Variants in ARHGAP32 observed in about 807,000 individuals in gnomAD.
ARHGAP32 encodes the protein rho GTPase-activating protein 32.
In ARHGAP32, 51 loss-of-function variants were observed where a neutral mutation model predicts 186.5. The observed-to-expected ratio is 0.27, with a 90% CI of 0.22 to 0.35. The LOEUF is 0.35. Ranked by LOEUF, ARHGAP32 falls within the 10% of genes least tolerant of loss-of-function variation. The pLI, the probability that ARHGAP32 is intolerant of heterozygous loss-of-function variation, is 1.00. For missense variants in ARHGAP32, 2,186 were observed against 2,623.5 expected, an observed-to-expected ratio of 0.83 and a Z score of 3.64; for synonymous variants, 950 against 964.3, an observed-to-expected ratio of 0.99 and a Z score of 0.27.
intron 6 of ARHGAP32, among the ~76,000 whole-genome samples, chr11:129,086,777 C>T (rs1196821677): frequency 8.1e-5 from 12 of 147,532 alleles, no homozygotes; most frequent in African/African-American, 2.0e-4. Context: ...GCCGAGATTG[C>T]GCCACTGCAC....
chr11:129,250,904 C>A (rs916951496), intron 1 of ARHGAP32, among the ~76,000 whole-genome samples: 14 of 152,158 alleles, frequency 9.2e-5, no homozygotes, highest in African/African-American at 3.4e-4. Context: ...TCACACCATT[C>A]AGCACACCCA....
At chr11:129,158,171 C>A (rs768476431) in intron 2 of ARHGAP32, among the ~76,000 whole-genome samples, 1 of 151,982 alleles carries the variant, frequency 6.6e-6, no homozygotes, top group African/African-American at 2.4e-5. Flanking sequence ...CATCAACTAA[C>A]GGGCAAAATA....
intron 1 of ARHGAP32, among the ~76,000 whole-genome samples, chr11:129,181,854 C>T (rs1318153946): frequency 6.6e-6 from 1 of 152,050 alleles, no homozygotes; most frequent in Non-Finnish European, 1.5e-5. Context: ...TCCAATCTGC[C>T]CAATTCCAAC....
At chr11:129,184,918 C>T (rs908706501) in intron 1 of ARHGAP32, among the ~76,000 whole-genome samples, 1 of 152,216 alleles carries the variant, frequency 6.6e-6, no homozygotes, top group South Asian at 2.1e-4. Context: ...CAGGCAAATA[C>T]AAATGATCCA....
intron 11 of ARHGAP32, among the ~76,000 whole-genome samples, chr11:129,016,257 A>G (rs1354791784): frequency 6.6e-6 from 1 of 151,272 alleles, no homozygotes; most frequent in African/African-American, 2.5e-5. Context: ...AATTCTTCAC[A>G]TAATACAGAA....
intron 2 of ARHGAP32, among the ~76,000 whole-genome samples, chr11:129,162,515 T>C (rs1278203605): frequency 6.6e-6 from 1 of 152,170 alleles, no homozygotes; most frequent in African/African-American, 2.4e-5. Flanking sequence ...ACAGTCAGCA[T>C]GGGACAACTA....
At chr11:129,263,397 T>C (rs966988144) in intron 1 of ARHGAP32, among the ~76,000 whole-genome samples, 3 of 152,094 alleles carry the variant, frequency 2.0e-5, no homozygotes, top group African/African-American at 7.2e-5. Flanking sequence ...AAAAAAACTA[T>C]TTTAAAATGA....
At chr11:129,239,378 A>G (rs950998760) in intron 1 of ARHGAP32, among the ~76,000 whole-genome samples, 4 of 152,198 alleles carry the variant, frequency 2.6e-5, no homozygotes, top group African/African-American at 7.2e-5. Context: ...GGGTACTAGC[A>G]TTACCCACAT....
chr11:129,023,115 C>A (rs1288139015), intron 11 of ARHGAP32, among the ~76,000 whole-genome samples: 1 of 151,894 alleles, frequency 6.6e-6, no homozygotes, highest in Non-Finnish European at 1.5e-5. Flanking sequence ...ACTAATCAGC[C>A]CTATTAAGGG....
intron 1 of ARHGAP32, chr11:129,202,846 C>G (rs1944470734): frequency 6.6e-6 from 1 of 152,014 alleles, no homozygotes; most frequent in African/African-American, 2.4e-5. Context: ...CTCAGAAATA[C>G]TTTGTTCTAA....
intron 11 of ARHGAP32, among the ~76,000 whole-genome samples, chr11:129,015,120 G>GA (rs1356884196): frequency 6.6e-6 from 1 of 152,014 alleles, no homozygotes; most frequent in Non-Finnish European, 1.5e-5. Flanking sequence ...TTAAGAATTG[G>GA]AAAAAAGTGC....
At position 129,108,874 on chromosome 11, in the gene ARHGAP32, T is replaced by C. The variant is rs147454630; in HGVS notation, c.444+14572A>G. Reference sequence around the variant, plus strand: ...AAGCGTCATTACCAAATCAGGGTATTTGGGGTTTCCATCACGTTAAGTATT... The same window carrying C: ...AAGCGTCATTACCAAATCAGGGTATCTGGGGTTTCCATCACGTTAAGTATT... On this transcript the variant is annotated intron_variant, in intron 5 of 22. Transcript: ENST00000682385. 8.6e-4 allele frequency among the ~76,000 whole-genome samples: 131 copies of C among 152,288 alleles called. 1 individual carries two copies. The highest frequency in any genetic ancestry group is 3.1e-3 in the African/African-American group (127 of 41,582).
At chr11:129,168,684 C>A (rs995460121) in intron 1 of ARHGAP32, among the ~76,000 whole-genome samples, 13 of 151,782 alleles carry the variant, frequency 8.6e-5, no homozygotes, top group African/African-American at 3.1e-4. Flanking sequence ...AACACTAAAC[C>A]CAACAACTAC....
chr11:128,985,880 A>C, intron 15 of ARHGAP32, 123 bp downstream of exon 15: 1 of 256,676 alleles, frequency 3.9e-6, no homozygotes, highest in Non-Finnish European at 7.2e-6. Context: ...ATATATATAT[A>C]TATATGAAAT....
At chr11:129,103,802 G>A (rs1483956934) in intron 5 of ARHGAP32, among the ~76,000 whole-genome samples, 1 of 151,936 alleles carries the variant, frequency 6.6e-6, no homozygotes, top group Non-Finnish European at 1.5e-5. Flanking sequence ...ATAACCATCA[G>A]AAATTAAGCA....
At chr11:129,101,124 T>G (rs1941885274) in intron 5 of ARHGAP32, among the ~76,000 whole-genome samples, 1 of 151,898 alleles carries the variant, frequency 6.6e-6, no homozygotes, top group South Asian at 2.1e-4. Context: ...CCCAAAAATT[T>G]CCAGAAATGA....
intron 2 of ARHGAP32, among the ~76,000 whole-genome samples, chr11:129,159,588 C>A (rs1011992621): frequency 4.0e-5 from 6 of 151,654 alleles, no homozygotes; most frequent in Admixed American, 6.6e-5. Flanking sequence ...AGCCTACCTA[C>A]CAAAAAAAAA....
At chr11:129,029,021 AT>A (rs1240284563) in intron 11 of ARHGAP32, among the ~76,000 whole-genome samples, 1 of 152,190 alleles carries the variant, frequency 6.6e-6, no homozygotes, top group Non-Finnish European at 1.5e-5. Context: ...GTTTGGGGAT[AT>A]TTTTTATGCA....
chr11:129,155,204 C>T (rs1251130668), intron 2 of ARHGAP32, among the ~76,000 whole-genome samples: 2 of 152,206 alleles, frequency 1.3e-5, no homozygotes, highest in East Asian at 1.9e-4. Flanking sequence ...CCCACTGCTA[C>T]GTGGCACACT....
Sources: allele counts gnomAD v4.1 joint callset (sites outside exome capture counted in the v4.1 genomes callset), GRCh38; gene constraint gnomAD v4.1.1; transcripts MANE v1.5; gene names NCBI Gene and HGNC (gene_info 2026-07-23, HGNC 2026-07-21).